The following CALN1 variants were observed in gnomAD, a reference collection of about 807,000 sequenced individuals.
The protein encoded by CALN1 is calneuron 1, also known as calcium-binding protein 8.
In CALN1, 17 loss-of-function variants were observed where a neutral mutation model predicts 30.6. The ratio of observed to expected loss-of-function variants is 0.56; its 90% CI spans 0.38 to 0.83. The LOEUF (loss-of-function observed/expected upper bound fraction) is 0.83, where lower values mean the gene tolerates loss of function less well. Among genes scored for constraint, CALN1 ranks in the 40% least tolerant of loss-of-function variants. CALN1 has a pLI of 0.00. For missense variants in CALN1, 291 were observed against 354.9 expected (o/e 0.82, Z 1.45); for synonymous variants, 156 against 131.4 (o/e 1.19, Z -1.28).
chr7:72,251,174 A>G (rs13239080), intron 3 of CALN1, among the ~76,000 whole-genome samples: 53,148 of 151,938 alleles, frequency 0.35, 10,396 homozygotes, highest in Middle Eastern at 0.55. Flanking sequence ...CAGCCCTTCA[A>G]TTCTGCTTCT....
At chr7:72,140,112 A>G (rs1809789875) in intron 3 of CALN1, among the ~76,000 whole-genome samples, 1 of 151,900 alleles carries the variant, frequency 6.6e-6, no homozygotes, top group Non-Finnish European at 1.5e-5. Flanking sequence ...CTCTGCAATA[A>G]ATTTAAAAAT....
chr7:71,787,410 ATGCCTC>A lies in CALN1; in HGVS notation c.*359_*364del. 7.3e-5 allele frequency: 15 copies of A among 205,722 alleles called. No homozygotes were observed. The highest frequency in any genetic ancestry group is 3.6e-4 in the South Asian group (4 of 11,024). 12.7% of individuals were successfully genotyped at this position (205,722 alleles called of 1,614,324 possible). On this transcript the variant is annotated 3_prime_UTR_variant, in exon 7 of 7. Coordinates refer to ENST00000395275, the MANE Select transcript of CALN1 (RefSeq NM_031468.4). Reference sequence around the variant, plus strand: ...GGGGAGTGGAGGTGACTGTGTGTTCATGCCTCTCTCTTGCTCTCTCACCATTATACC... The same window carrying A: ...GGGGAGTGGAGGTGACTGTGTGTTCATCTCTTGCTCTCTCACCATTATACC...
intron 4 of CALN1, among the ~76,000 whole-genome samples, chr7:72,052,545 T>C (rs1486422456): frequency 6.6e-6 from 1 of 152,126 alleles, no homozygotes; most frequent in Middle Eastern, 3.2e-3. Context: ...GGGTGGGATG[T>C]ACCCTAAAGA....
At chr7:72,167,910 C>T (rs1788643270) in intron 3 of CALN1, among the ~76,000 whole-genome samples, 1 of 152,148 alleles carries the variant, frequency 6.6e-6, no homozygotes, top group African/African-American at 2.4e-5. Flanking sequence ...GCTCCAAAGA[C>T]TTGGCAGAAA....
chr7:72,129,534 T>C (rs73127982), intron 3 of CALN1, among the ~76,000 whole-genome samples: 27,308 of 152,168 alleles, frequency 0.18, 2,671 homozygotes, highest in East Asian at 0.29. Flanking sequence ...AGGAGTGATA[T>C]TGGTTCTGTG....
intron 3 of CALN1, among the ~76,000 whole-genome samples, chr7:72,175,187 C>A (rs1003366231): frequency 6.6e-6 from 1 of 151,948 alleles, no homozygotes; most frequent in Non-Finnish European, 1.5e-5. Flanking sequence ...CATTCTCCTG[C>A]CTCAGCCTCC....
chr7:72,343,297 C>T (rs1802467665), intron 2 of CALN1, among the ~76,000 whole-genome samples: 1 of 152,144 alleles, frequency 6.6e-6, no homozygotes, highest in South Asian at 2.1e-4. Flanking sequence ...GTGGCTCACG[C>T]CTGTAATCCC....
intron 2 of CALN1, among the ~76,000 whole-genome samples, chr7:72,362,043 G>A (rs1803604568): frequency 6.6e-6 from 1 of 151,892 alleles, no homozygotes; most frequent in Non-Finnish European, 1.5e-5. Flanking sequence ...TCATTATCTT[G>A]GTAAATAGCA....
chr7:72,145,777 T>C (rs1433333523), intron 3 of CALN1, among the ~76,000 whole-genome samples: 9 of 152,100 alleles, frequency 5.9e-5, no homozygotes, highest in Admixed American at 3.3e-4. Flanking sequence ...TCCACCATGA[T>C]CAAGTGGGCT....
intron 5 of CALN1, among the ~76,000 whole-genome samples, chr7:72,012,824 C>T (rs186525699): frequency 3.3e-5 from 5 of 152,268 alleles, no homozygotes; most frequent in Middle Eastern, 3.4e-3. Flanking sequence ...GAGACAGAGT[C>T]CCCTTCCGTC....
At chr7:71,971,136 G>A (rs997970432) in intron 5 of CALN1, among the ~76,000 whole-genome samples, 1 of 152,126 alleles carries the variant, frequency 6.6e-6, no homozygotes. Context: ...TGGAAGGCAC[G>A]CTATAAAAAG....
chr7:72,498,212 A>G, the CALN1 span, among the ~76,000 whole-genome samples: 1 of 152,136 alleles, frequency 6.6e-6, no homozygotes, highest in African/African-American at 2.4e-5. Context: ...AAACCTCCCT[A>G]ATGTGTATTT....
At chr7:72,179,435 T>C (rs1187671498) in intron 3 of CALN1, among the ~76,000 whole-genome samples, 2 of 152,200 alleles carry the variant, frequency 1.3e-5, no homozygotes, top group Non-Finnish European at 2.9e-5. Flanking sequence ...ACTAAACACT[T>C]ATGTCTGCAT....
chr7:72,198,858 A>G (rs1791220399), intron 3 of CALN1, among the ~76,000 whole-genome samples: 1 of 152,220 alleles, frequency 6.6e-6, no homozygotes, highest in Non-Finnish European at 1.5e-5. Flanking sequence ...GGCTACAGCC[A>G]GAGAAAAGCA....
chr7:72,284,949 A>T (rs1797986373), intron 2 of CALN1, among the ~76,000 whole-genome samples: 1 of 152,048 alleles, frequency 6.6e-6, no homozygotes, highest in Admixed American at 6.6e-5. Flanking sequence ...TTTCCTCTAC[A>T]GTACCAAGGA....
intron 3 of CALN1, among the ~76,000 whole-genome samples, chr7:72,267,519 G>A (rs937915318): frequency 6.6e-6 from 1 of 152,206 alleles, no homozygotes; most frequent in African/African-American, 2.4e-5. Flanking sequence ...ATATGTGATG[G>A]TGACATGACG....
intron 2 of CALN1, among the ~76,000 whole-genome samples, chr7:72,313,414 C>T (rs1233073131): frequency 6.6e-6 from 1 of 152,080 alleles, no homozygotes; most frequent in African/African-American, 2.4e-5. Context: ...TTCTTTGAGA[C>T]AGAGTATCAC....
At position 72,105,247 on chromosome 7, in the gene CALN1, A is replaced by C. The variant is rs141290507; in HGVS notation, c.388+904T>G. ...CCGCACCTGCCTTAGCTGCACTCTT[A>C]ACTACAGCGGGACAGTTACCTGTTT... On this transcript the variant is annotated intron_variant, in intron 4 of 6. Transcript: ENST00000395275. 1.5e-3 allele frequency among the ~76,000 whole-genome samples: 231 copies of C among 152,210 alleles called. 1 individual carries two copies. The highest frequency in any genetic ancestry group is 5.4e-3 in the African/African-American group (225 of 41,530).
At chr7:72,020,260 T>C (rs844788) in intron 5 of CALN1, among the ~76,000 whole-genome samples, 22,083 of 152,104 alleles carry the variant, frequency 0.15, 1,760 homozygotes, top group Middle Eastern at 0.22. Context: ...GCTCTCACTG[T>C]GTTGGGAAAG....
Sources: gnomAD v4.1 joint callset for allele counts (sites outside exome capture counted in the v4.1 genomes callset) on GRCh38, gnomAD v4.1.1 for gene constraint, MANE v1.5 for transcripts, NCBI Gene and HGNC (gene_info 2026-07-23, HGNC 2026-07-21) for gene names.